Variants in KLF12 observed in about 807,000 individuals in gnomAD.
KLF12 encodes Krueppel-like factor 12.
A neutral mutation model predicts 37.8 loss-of-function variants in KLF12; 9 were observed. The observed-to-expected ratio is 0.24, with a 90% CI of 0.14 to 0.42. The LOEUF (loss-of-function observed/expected upper bound fraction) is 0.42. Among genes scored for constraint, KLF12 ranks in the 10% least tolerant of loss-of-function variants. The probability of loss-of-function intolerance (pLI) is 1.00; values close to 1 mark genes in which losing one functional copy is unlikely to be tolerated. For missense variants in KLF12, 411 were observed against 516.0 expected, an observed-to-expected ratio of 0.80 and a Z score of 1.97; for synonymous variants, 208 against 202.1, an observed-to-expected ratio of 1.03 and a Z score of -0.25.
intron 5 of KLF12, among the ~76,000 whole-genome samples, chr13:73,778,167 G>A (rs1475373726): frequency 1.3e-5 from 2 of 151,330 alleles, no homozygotes; most frequent in East Asian, 3.9e-4. Context: ...CAAAACAAAA[G>A]CCATAATTTT....
chr13:73,812,411 G>C (rs9543465), intron 5 of KLF12, among the ~76,000 whole-genome samples: 1 of 151,084 alleles, frequency 6.6e-6, no homozygotes, highest in African/African-American at 2.4e-5. Context: ...TGTAAGGTGA[G>C]GAATGTATTA....
intron 2 of KLF12, among the ~76,000 whole-genome samples, chr13:73,961,443 G>GGCT: frequency 6.6e-6 from 1 of 152,186 alleles, no homozygotes; most frequent in East Asian, 1.9e-4. Flanking sequence ...TCCCGAAATT[G>GGCT]GAGACAAAGA....
intron 6 of KLF12, among the ~76,000 whole-genome samples, chr13:73,719,665 C>T (rs571797281): frequency 2.0e-5 from 3 of 151,790 alleles, no homozygotes; most frequent in East Asian, 1.9e-4. Flanking sequence ...CTAGGTGGCA[C>T]GATCATAGCT....
intron 2 of KLF12, among the ~76,000 whole-genome samples, chr13:73,982,253 G>A (rs1891706261): frequency 6.6e-6 from 1 of 152,152 alleles, no homozygotes; most frequent in Non-Finnish European, 1.5e-5. Context: ...AACTTAATTT[G>A]CAATACAAAA....
At chr13:74,265,037 C>T in the KLF12 span, among the ~76,000 whole-genome samples, 358 of 152,052 alleles carry the variant, frequency 2.4e-3, 2 homozygotes, top group African/African-American at 7.8e-3. Context: ...ATAAAATGAC[C>T]GAATTTATAA....
intron 6 of KLF12, among the ~76,000 whole-genome samples, chr13:73,741,799 G>A (rs1878005227): frequency 1.3e-5 from 2 of 151,964 alleles, no homozygotes; most frequent in Non-Finnish European, 2.9e-5. Flanking sequence ...AAAAAATGTT[G>A]TTTTCAAAAA....
intron 1 of KLF12, among the ~76,000 whole-genome samples, chr13:74,013,079 G>A (rs1265857319): frequency 6.6e-6 from 1 of 152,212 alleles, no homozygotes; most frequent in Non-Finnish European, 1.5e-5. Flanking sequence ...AGAGTTGGCA[G>A]TCTTCAACAG....
chr13:73,786,757 CAAAAAAA>C (rs10568058), intron 5 of KLF12, among the ~76,000 whole-genome samples: 1 of 119,212 alleles, frequency 8.4e-6, no homozygotes, highest in Non-Finnish European at 1.7e-5. Flanking sequence ...ATTACAAATA[CAAAAAAA>C]AAAAAAAAAA....
chr13:73,700,381 C>A (rs975035225), intron 7 of KLF12, among the ~76,000 whole-genome samples: 1 of 151,534 alleles, frequency 6.6e-6, no homozygotes, highest in Non-Finnish European at 1.5e-5. Flanking sequence ...GGAATGAAAA[C>A]CTTTCCTATG....
intron 3 of KLF12, among the ~76,000 whole-genome samples, chr13:73,913,517 A>G (rs1339220295): frequency 3.3e-5 from 5 of 151,826 alleles, no homozygotes; most frequent in Non-Finnish European, 1.5e-5. Flanking sequence ...GAATAAGAAA[A>G]CTCTTTCCTT....
the KLF12 span, among the ~76,000 whole-genome samples, chr13:74,276,047 G>A: frequency 6.6e-6 from 1 of 151,366 alleles, no homozygotes; most frequent in Non-Finnish European, 1.5e-5. Context: ...TGCCGTGGTG[G>A]TTTGCTGCAC....
At chr13:73,754,932 G>GTTGCC (rs999443926) in intron 6 of KLF12, among the ~76,000 whole-genome samples, 7 of 147,738 alleles carry the variant, frequency 4.7e-5, no homozygotes, top group Non-Finnish European at 1.1e-4. Context: ...TCTTCACATG[G>GTTGCC]TTGCCTTTAG....
chr13:74,266,471 C>CAT, the KLF12 span, among the ~76,000 whole-genome samples: 1 of 152,180 alleles, frequency 6.6e-6, no homozygotes, highest in Non-Finnish European at 1.5e-5. Context: ...TCCACGTGCA[C>CAT]ATATACACAC....
intron 1 of KLF12, among the ~76,000 whole-genome samples, chr13:74,058,227 A>C (rs1873362123): frequency 6.6e-6 from 1 of 152,102 alleles, no homozygotes; most frequent in Admixed American, 6.5e-5. Flanking sequence ...TCGGACTCCC[A>C]AAGTGCTGGG....
chr13:73,782,493 T>C (rs970882458), intron 5 of KLF12, among the ~76,000 whole-genome samples: 6 of 152,204 alleles, frequency 3.9e-5, no homozygotes, highest in Admixed American at 1.3e-4. Flanking sequence ...AACTCCCAAA[T>C]TGTACCTAAC....
At chr13:73,874,036 A>G (rs2138895217) in intron 3 of KLF12, among the ~76,000 whole-genome samples, 1 of 152,318 alleles carries the variant, frequency 6.6e-6, no homozygotes, top group Middle Eastern at 3.4e-3. Context: ...TGGCAATGGA[A>G]AAGGCAAGGT....
At chr13:74,249,200 TA>T in the KLF12 span, among the ~76,000 whole-genome samples, 2 of 151,698 alleles carry the variant, frequency 1.3e-5, no homozygotes, top group East Asian at 1.9e-4. Flanking sequence ...ATCCACTTTA[TA>T]AAAAAAAGCT....
chr13:74,046,984 T>C (rs922353741), intron 1 of KLF12, among the ~76,000 whole-genome samples: 3 of 152,158 alleles, frequency 2.0e-5, no homozygotes, highest in African/African-American at 4.8e-5. Flanking sequence ...AAAGAACTAC[T>C]GAAAAACAGG....
At chr13:74,289,201 C>T in the KLF12 span, 1 of 152,134 alleles carries the variant, frequency 6.6e-6, no homozygotes, top group Non-Finnish European at 1.5e-5. Flanking sequence ...TAACTCACTA[C>T]CTTTGGTCCA....
Sources: allele counts gnomAD v4.1 joint callset (sites outside exome capture counted in the v4.1 genomes callset), GRCh38; gene constraint gnomAD v4.1.1; transcripts MANE v1.5; gene names NCBI Gene and HGNC (gene_info 2026-07-23, HGNC 2026-07-21).